The following RERE variants were observed in gnomAD, a reference collection of about 807,000 sequenced individuals.
RERE encodes the protein arginine-glutamic acid dipeptide repeats, also known as arginine-glutamic acid dipeptide repeats protein.
A neutral mutation model predicts 146.1 loss-of-function variants in RERE; 40 were observed. The ratio of observed to expected loss-of-function variants is 0.27; its 90% CI spans 0.21 to 0.36. The LOEUF (loss-of-function observed/expected upper bound fraction) is 0.36. RERE is among the 10% of genes least tolerant of loss of function. RERE has a pLI of 1.00. For missense variants in RERE, 1,933 were observed against 2,138.7 expected (o/e 0.90, Z 1.90); for synonymous variants, 1,003 against 866.0 (o/e 1.16, Z -2.78).
intron 6 of RERE, among the ~76,000 whole-genome samples, chr1:8,543,702 C>T (rs1042593858): frequency 6.6e-6 from 1 of 151,748 alleles, no homozygotes; most frequent in African/African-American, 2.4e-5. Flanking sequence ...TTGGCCTCTA[C>T]CTAGAAGCAC....
chr1:8,685,292 CG>C (rs1445647389), intron 1 of RERE, among the ~76,000 whole-genome samples: 2 of 152,146 alleles, frequency 1.3e-5, no homozygotes, highest in Admixed American at 6.5e-5. Flanking sequence ...TGCTAAATAA[CG>C]GTAAGTAAAA....
intron 12 of RERE, among the ~76,000 whole-genome samples, chr1:8,418,772 G>A (rs1363804362): frequency 6.6e-6 from 1 of 152,126 alleles, no homozygotes; most frequent in Non-Finnish European, 1.5e-5. Flanking sequence ...TTCCTAACAT[G>A]GATTCACCTT....
intron 2 of RERE, among the ~76,000 whole-genome samples, chr1:8,645,832 C>T (rs1647279764): frequency 6.6e-6 from 1 of 152,120 alleles, no homozygotes; most frequent in Admixed American, 6.5e-5. Context: ...TTTTTATGTG[C>T]TAAAGAATTG....
At chr1:8,634,957 G>C (rs1200358630) in intron 2 of RERE, among the ~76,000 whole-genome samples, 2 of 152,162 alleles carry the variant, frequency 1.3e-5, no homozygotes, top group Non-Finnish European at 2.9e-5. Context: ...GGATGGTCTT[G>C]ATCTCCCGAC....
intron 11 of RERE, among the ~76,000 whole-genome samples, chr1:8,445,494 C>T (rs1268238992): frequency 1.3e-5 from 2 of 152,188 alleles, no homozygotes; most frequent in South Asian, 2.1e-4. Flanking sequence ...CATCTGGACT[C>T]TTTTTTACTT....
intron 10 of RERE, among the ~76,000 whole-genome samples, chr1:8,466,612 G>A (rs946820865): frequency 1.3e-5 from 2 of 152,110 alleles, no homozygotes; most frequent in African/African-American, 4.8e-5. Context: ...TTTTTTGACT[G>A]TGCTAATTTC....
chr1:8,605,087 ATCTACAGTTATTC>A (rs1646685395), intron 4 of RERE, among the ~76,000 whole-genome samples: 1 of 152,298 alleles, frequency 6.6e-6, no homozygotes, highest in African/African-American at 2.4e-5. Context: ...GTAAAGTGAA[ATCTACAGTTATTC>A]CCTTGAAAAA....
chr1:8,500,051 G>A (rs934091652), intron 8 of RERE, among the ~76,000 whole-genome samples: 4 of 152,200 alleles, frequency 2.6e-5, no homozygotes, highest in African/African-American at 7.2e-5. Context: ...AACCTGGGAG[G>A]CGGAGGTTCC....
At chr1:8,568,813 T>C (rs558110404) in intron 4 of RERE, among the ~76,000 whole-genome samples, 2 of 152,168 alleles carry the variant, frequency 1.3e-5, no homozygotes, top group African/African-American at 4.8e-5. Context: ...ATTATTCCCT[T>C]AATAAATCCC....
intron 11 of RERE, among the ~76,000 whole-genome samples, chr1:8,441,620 G>T (rs1644249532): frequency 1.3e-5 from 2 of 152,188 alleles, no homozygotes; most frequent in Non-Finnish European, 2.9e-5. Flanking sequence ...ATAGATTGCG[G>T]AAAGTCATAT....
intron 1 of RERE, among the ~76,000 whole-genome samples, chr1:8,720,269 C>CAAA (rs34328284): frequency 2.5e-4 from 31 of 126,296 alleles, no homozygotes; most frequent in Non-Finnish European, 3.9e-4. Context: ...GACTCCATCT[C>CAAA]AAAAAAAAAA....
chr1:8,450,383 C>T (rs533244533), intron 11 of RERE, among the ~76,000 whole-genome samples: 88 of 151,792 alleles, frequency 5.8e-4, no homozygotes, highest in Non-Finnish European at 1.1e-3. Flanking sequence ...AGCAGAGCTG[C>T]GTGTGGAGGC....
At chr1:8,724,872 T>C (rs1639928779) in intron 1 of RERE, among the ~76,000 whole-genome samples, 1 of 93,924 alleles carries the variant, frequency 1.1e-5, no homozygotes, top group African/African-American at 4.5e-5. Flanking sequence ...TCTAGATACT[T>C]TGTAAAAAAA....
chr1:8,813,378 C>T (rs1641849704), intron 1 of RERE, among the ~76,000 whole-genome samples: 1 of 152,098 alleles, frequency 6.6e-6, no homozygotes, highest in Non-Finnish European at 1.5e-5. Flanking sequence ...CTTGGTATGT[C>T]CAACTTATTT....
At chr1:8,563,195 T>C (rs1448306828) in intron 4 of RERE, among the ~76,000 whole-genome samples, 1 of 152,222 alleles carries the variant, frequency 6.6e-6, no homozygotes. Context: ...TGATTATTAA[T>C]TTAGTGTTTT....
intron 7 of RERE, among the ~76,000 whole-genome samples, chr1:8,529,889 G>A (rs1260762263): frequency 6.6e-6 from 1 of 152,146 alleles, no homozygotes; most frequent in East Asian, 1.9e-4. Context: ...CATGGAGCAA[G>A]CCTTGCTTTA....
intron 10 of RERE, among the ~76,000 whole-genome samples, chr1:8,489,624 G>A (rs1350144842): frequency 2.0e-5 from 3 of 151,820 alleles, no homozygotes. Context: ...ACCTCAATGA[G>A]ATACCAGACT....
At chr1:8,485,506 A>G (rs1052923613) in intron 10 of RERE, among the ~76,000 whole-genome samples, 28 of 152,142 alleles carry the variant, frequency 1.8e-4, no homozygotes, top group African/African-American at 6.8e-4. Context: ...AGGAGATGTT[A>G]CCTTAAATAC....
chr1:8,390,028 A>G (rs1331641880), intron 12 of RERE, among the ~76,000 whole-genome samples: 1 of 152,236 alleles, frequency 6.6e-6, no homozygotes, highest in East Asian at 1.9e-4. Flanking sequence ...GTTAAGAACA[A>G]GAGTAGTTAG....
Sources: allele counts gnomAD v4.1 joint callset (sites outside exome capture counted in the v4.1 genomes callset), GRCh38; gene constraint gnomAD v4.1.1; transcripts MANE v1.5; gene names NCBI Gene and HGNC (gene_info 2026-07-23, HGNC 2026-07-21).